Variants in RORA observed in about 807,000 individuals in gnomAD.
RORA encodes the protein RAR related orphan receptor A, also known as nuclear receptor ROR-alpha.
In RORA, 7 loss-of-function variants were observed where a neutral mutation model predicts 69.5. That is an observed-to-expected ratio of 0.10 (90% CI 0.06 to 0.19). The LOEUF (loss-of-function observed/expected upper bound fraction) is 0.19, where lower values mean the gene tolerates loss of function less well. RORA is among the 10% of genes least tolerant of loss of function. RORA has a pLI of 1.00. For synonymous variants in RORA, 261 were observed against 240.8 expected (o/e 1.08, Z -0.78); for missense variants, 457 against 663.0 (o/e 0.69, Z 3.41).
chr15:60,803,955 T>C (rs984197171), intron 1 of RORA, among the ~76,000 whole-genome samples: 5 of 152,148 alleles, frequency 3.3e-5, no homozygotes, highest in Non-Finnish European at 5.9e-5. Context: ...CTTCCAAATA[T>C]GTCAGGAAGA....
At chr15:61,005,594 T>A (rs958867450) in intron 1 of RORA, among the ~76,000 whole-genome samples, 1 of 152,240 alleles carries the variant, frequency 6.6e-6, no homozygotes, top group Non-Finnish European at 1.5e-5. Context: ...TCTTTCTCTA[T>A]AATATGTATA....
chr15:60,658,093 T>G (rs1022730278), intron 2 of RORA, among the ~76,000 whole-genome samples: 1 of 152,160 alleles, frequency 6.6e-6, no homozygotes, highest in African/African-American at 2.4e-5. Flanking sequence ...TTTTCTTTTT[T>G]TTTTGGAGAT....
intron 1 of RORA, among the ~76,000 whole-genome samples, chr15:60,980,790 G>T (rs1013373892): frequency 6.6e-6 from 1 of 151,902 alleles, no homozygotes; most frequent in South Asian, 2.1e-4. Flanking sequence ...CTAGCTAAAG[G>T]TTTGTCAATT....
At chr15:61,214,542 T>C (rs775594888) in intron 1 of RORA, among the ~76,000 whole-genome samples, 2 of 152,350 alleles carry the variant, frequency 1.3e-5, no homozygotes, top group Admixed American at 1.3e-4. Context: ...CAAGTCTTTC[T>C]GAGGTTCTAG....
intron 1 of RORA, among the ~76,000 whole-genome samples, chr15:60,696,054 G>A (rs978925493): frequency 6.6e-6 from 1 of 152,046 alleles, no homozygotes; most frequent in Non-Finnish European, 1.5e-5. Context: ...CTGAAACTCT[G>A]AGCCTTACTG....
chr15:61,186,050 G>A (rs1305640393), intron 1 of RORA, among the ~76,000 whole-genome samples: 1 of 152,132 alleles, frequency 6.6e-6, no homozygotes, highest in Non-Finnish European at 1.5e-5. Context: ...TCTCTCTGTG[G>A]CTGGCTCCTC....
chr15:60,560,498 A>G (rs1446132987), intron 2 of RORA, among the ~76,000 whole-genome samples: 1 of 152,164 alleles, frequency 6.6e-6, no homozygotes, highest in Non-Finnish European at 1.5e-5. Context: ...GTTCAAGACC[A>G]GCCTGGACAA....
At chr15:61,114,710 T>A (rs2079034909) in intron 1 of RORA, among the ~76,000 whole-genome samples, 1 of 152,206 alleles carries the variant, frequency 6.6e-6, no homozygotes, top group African/African-American at 2.4e-5. Context: ...ATAATTGGCC[T>A]TGCATCACGG....
rs371261365 is a variant in RORA at position 61,183,618 on chromosome 15, T to C, written c.166+45435A>G. Among the ~76,000 whole-genome samples, 6 of 152,308 alleles carry C rather than the reference T, an allele frequency of 3.9e-5. No homozygotes were observed. The East Asian group carries it at 5.8e-4, about 15-fold the overall frequency. ...CTTTTCCCTCCTTTCAAACCCTTGT[T>C]AGAATCATTCATATATCACTCTTTC... On this transcript the variant is annotated intron_variant, in intron 1 of 10. Coordinates refer to ENST00000335670, the MANE Select transcript of RORA (RefSeq NM_134261.3).
intron 1 of RORA, among the ~76,000 whole-genome samples, chr15:61,146,094 G>A (rs1244422015): frequency 6.6e-6 from 1 of 152,134 alleles, no homozygotes. Context: ...TTGAGCCAAT[G>A]GCAGAAATCC....
intron 1 of RORA, among the ~76,000 whole-genome samples, chr15:60,853,407 C>G (rs890389757): frequency 3.9e-5 from 6 of 152,134 alleles, no homozygotes; most frequent in Non-Finnish European, 8.8e-5. Flanking sequence ...TAACCTTTTC[C>G]GCCATCTCTC....
At chr15:60,770,584 T>C (rs1280698344) in intron 1 of RORA, among the ~76,000 whole-genome samples, 1 of 152,188 alleles carries the variant, frequency 6.6e-6, no homozygotes, top group Non-Finnish European at 1.5e-5. Context: ...AAGGAAAGTG[T>C]AGGATGAGTG....
chr15:61,085,153 G>A (rs1266970695), intron 1 of RORA, among the ~76,000 whole-genome samples: 4 of 152,116 alleles, frequency 2.6e-5, no homozygotes, highest in Admixed American at 1.3e-4. Context: ...GGTTGCCCAG[G>A]GTAAGAAGAG....
rs1178288889 is a variant in RORA, at chr15:60,494,179, CTT to C, written c.*3274_*3275del. The C allele has an allele frequency of 1.1e-5, 1 of 93,348 alleles. No individual in the cohort carries two copies. Among genetic ancestry groups the C allele is most frequent in the African/African-American group, 2.7e-5 (1 of 36,386 alleles). 5.8% of individuals were successfully genotyped at this position (93,348 alleles called of 1,614,324 possible). On this transcript the variant is annotated 3_prime_UTR_variant, in exon 11 of 11. Coordinates refer to ENST00000335670, the MANE Select transcript of RORA (RefSeq NM_134261.3). ...TTAATACACGTTAAGATGCTGAACACTTTAAAAAAAATCCGTAGCTTTAACAC... is the reference window on the plus strand; with the variant it reads ...TTAATACACGTTAAGATGCTGAACACTAAAAAAAATCCGTAGCTTTAACAC...
At chr15:60,964,997 CAA>C (rs1350536117) in intron 1 of RORA, among the ~76,000 whole-genome samples, 2 of 152,118 alleles carry the variant, frequency 1.3e-5, no homozygotes, top group African/African-American at 4.8e-5. Context: ...TTCCCTGGAC[CAA>C]AGAGAAGCTT....
At chr15:60,637,483 A>G (rs1300236420) in intron 2 of RORA, among the ~76,000 whole-genome samples, 1 of 152,090 alleles carries the variant, frequency 6.6e-6, no homozygotes, top group Non-Finnish European at 1.5e-5. Flanking sequence ...AATTTCTTCT[A>G]TTACTGTAAA....
At chr15:60,561,183 G>A (rs1355941914) in intron 2 of RORA, among the ~76,000 whole-genome samples, 2 of 150,212 alleles carry the variant, frequency 1.3e-5, no homozygotes, top group African/African-American at 4.9e-5. Context: ...CCGGGTTCAC[G>A]CCATTCTCCT....
intron 1 of RORA, among the ~76,000 whole-genome samples, chr15:61,182,493 G>T (rs370094790): frequency 6.6e-6 from 1 of 152,228 alleles, no homozygotes; most frequent in Non-Finnish European, 1.5e-5. Flanking sequence ...CATGGTGTGT[G>T]AGTTTATTCC....
intron 1 of RORA, among the ~76,000 whole-genome samples, chr15:60,738,542 A>G (rs2071532540): frequency 6.6e-6 from 1 of 152,208 alleles, no homozygotes; most frequent in African/African-American, 2.4e-5. Context: ...AATAAGTAAA[A>G]ACTACATTTT....
Sources: allele counts gnomAD v4.1 joint callset (sites outside exome capture counted in the v4.1 genomes callset), GRCh38; gene constraint gnomAD v4.1.1; transcripts MANE v1.5; gene names NCBI Gene and HGNC (gene_info 2026-07-23, HGNC 2026-07-21).